L3MBTL1: variants seen among roughly 807,000 people sequenced by gnomAD.
The protein encoded by L3MBTL1 is lethal(3)malignant brain tumor-like protein 1.
L3MBTL1 carries 75 observed loss-of-function variants against 105.3 expected under a neutral mutation model. That is an observed-to-expected ratio of 0.71 (90% CI 0.59 to 0.86). The LOEUF (loss-of-function observed/expected upper bound fraction) is 0.86. L3MBTL1 is among the 40% of genes least tolerant of loss of function. The probability of loss-of-function intolerance (pLI) is 0.00; values close to 1 mark genes in which losing one functional copy is unlikely to be tolerated. For missense variants in L3MBTL1, 1,069 were observed against 1,126.4 expected (o/e 0.95, Z 0.73); for synonymous variants, 452 against 436.2 (o/e 1.04, Z -0.45).
downstream of L3MBTL1, among the ~76,000 whole-genome samples, chr20:43,544,847 G>T (rs770877592): frequency 2.0e-5 from 3 of 151,984 alleles, no homozygotes; most frequent in Admixed American, 6.6e-5. Flanking sequence ...CATGCCTGTA[G>T]TCCAGCTACT....
At chr20:43,523,809 C>T (rs1216228862) in intron 7 of L3MBTL1, among the ~76,000 whole-genome samples, 3 of 152,054 alleles carry the variant, frequency 2.0e-5, no homozygotes, top group South Asian at 2.1e-4. Context: ...GCCTGGCCAA[C>T]GTGGTGAAAC....
At chr20:43,536,591 A>C in intron 19 of L3MBTL1, 133 bp downstream of exon 19, 1 of 1,034,728 alleles carries the variant, frequency 9.7e-7, no homozygotes, top group Admixed American at 1.9e-5. Flanking sequence ...TTCGTTTGAG[A>C]TACTGAGAGC....
intron 3 of L3MBTL1, chr20:43,514,381 A>C (rs1166707515): frequency 7.2e-6 from 10 of 1,394,088 alleles, no homozygotes; most frequent in Non-Finnish European, 9.4e-6. Flanking sequence ...GTACCGTGGG[A>C]CTGGGCCTGT....
Position 43,515,135 on chromosome 20 carries a change from G to A in L3MBTL1, c.629G>A (p.Gly210Asp). The change falls in exon 5 of 22, where the codon GGC becomes GAC. Residue 210 changes from glycine (G) to aspartate (D), a missense_variant. By Grantham distance (94) the Gly-to-Asp change is moderately conservative (BLOSUM62 -1). Transcript: ENST00000418998. The stretch of plus-strand genomic sequence containing the variant: ...CCAGATCTTGGTTCCTCTAATGATG[G>A]CTGCCCTCAGCTGTTCCAGGAGCGG... ...AGPDLGSSND[G>D]CPQLFQERSV... The A allele has an allele frequency of 6.2e-7, 1 of 1,614,160 alleles. No individual in the cohort carries two copies. Among genetic ancestry groups the A allele is most frequent in the East Asian group, 2.2e-5 (1 of 44,884 alleles).
chr20:43,530,328 G>A lies in L3MBTL1; in HGVS notation c.1101G>A (p.Glu367=). Residue 367 remains glutamate (E), a synonymous_variant, in exon 10 of 22, where the codon GAG becomes GAA. Transcript: ENST00000418998. ...GCCTGCACTTTGATGGGTATTCTGA[G>A]TGCCATGACTTCTGGGTCAATGCCA... ...RLRLHFDGYS[E]CHDFWVNANS... is the part of the protein sequence containing the mutation. 1 of 1,614,136 alleles carries A rather than the reference G, an allele frequency of 6.2e-7. No individual in the cohort carries two copies. Among genetic ancestry groups the A allele is most frequent in the Non-Finnish European group, 8.5e-7 (1 of 1,180,036 alleles).
intron 4 of L3MBTL1, 70 bp from the exon 5 acceptor site, chr20:43,514,939 G>A: frequency 6.4e-7 from 1 of 1,562,730 alleles, no homozygotes; most frequent in Non-Finnish European, 8.7e-7. Flanking sequence ...CAGGGCCTGA[G>A]GGGGCGTGGG....
At chr20:43,520,083 C>T (rs2018629341) in intron 7 of L3MBTL1, among the ~76,000 whole-genome samples, 2 of 152,046 alleles carry the variant, frequency 1.3e-5, no homozygotes, top group South Asian at 4.1e-4. Flanking sequence ...AGCCATCATT[C>T]CCCCTAAAGA....
downstream of L3MBTL1, among the ~76,000 whole-genome samples, chr20:43,542,325 T>C (rs2019949167): frequency 1.3e-5 from 2 of 152,164 alleles, no homozygotes; most frequent in African/African-American, 4.8e-5. Flanking sequence ...CCCAAACTCC[T>C]CCCACTTCCA....
At chr20:43,524,711 T>C (rs1274609853) in intron 7 of L3MBTL1, among the ~76,000 whole-genome samples, 1 of 151,906 alleles carries the variant, frequency 6.6e-6, no homozygotes, top group African/African-American at 2.4e-5. Flanking sequence ...TATGGCTACG[T>C]CTTGAAGGAT....
chr20:43,527,462 G>A (rs148879452), intron 7 of L3MBTL1, among the ~76,000 whole-genome samples: 9 of 152,318 alleles, frequency 5.9e-5, no homozygotes, highest in Non-Finnish European at 1.3e-4. Context: ...TGAAGGTGCT[G>A]CAGGAGTATT....
At chr20:43,511,324 A>G (rs954522516) in intron 1 of L3MBTL1, among the ~76,000 whole-genome samples, 5 of 152,254 alleles carry the variant, frequency 3.3e-5, no homozygotes, top group African/African-American at 9.6e-5. Flanking sequence ...ACAGCAATGA[A>G]TAAGACAGAC....
At chr20:43,537,641 C>G (rs988109552) in intron 19 of L3MBTL1, among the ~76,000 whole-genome samples, 1 of 152,148 alleles carries the variant, frequency 6.6e-6, no homozygotes, top group African/African-American at 2.4e-5. Flanking sequence ...TGAGCCCTCC[C>G]CTAGGTGGTG....
intron 7 of L3MBTL1, among the ~76,000 whole-genome samples, chr20:43,526,510 A>G (rs2019041508): frequency 6.6e-6 from 1 of 152,218 alleles, no homozygotes; most frequent in African/African-American, 2.4e-5. Context: ...TAGCCGGAAG[A>G]GATGAGCTCT....
intron 16 of L3MBTL1, 36 bp downstream of exon 16, chr20:43,534,978 C>A (rs1011221124): frequency 8.4e-6 from 12 of 1,428,904 alleles, no homozygotes; most frequent in Middle Eastern, 1.8e-4. Flanking sequence ...CTTTTCCTTT[C>A]CCCCCAGGTT....
intron 20 of L3MBTL1, among the ~76,000 whole-genome samples, chr20:43,540,522 T>A (rs976271666): frequency 6.6e-6 from 1 of 152,136 alleles, no homozygotes; most frequent in African/African-American, 2.4e-5. Flanking sequence ...GCGGGGGCTG[T>A]GCTGCTGTTT....
intron 7 of L3MBTL1, 28 bp downstream of exon 7, chr20:43,516,205 C>A: frequency 2.6e-6 from 4 of 1,557,774 alleles, no homozygotes; most frequent in African/African-American, 1.4e-5. Context: ...TATATATATT[C>A]GTGTGAGGTG....
intron 3 of L3MBTL1, 100 bp from the exon 4 acceptor site, chr20:43,514,535 G>C: frequency 6.3e-7 from 1 of 1,577,534 alleles, no homozygotes; most frequent in South Asian, 1.2e-5. Context: ...TGCTGAGGGC[G>C]TGAGCTGGCA....
At chr20:43,546,569 G>A (rs191239234), downstream of L3MBTL1, among the ~76,000 whole-genome samples, 3 of 152,208 alleles carry the variant, frequency 2.0e-5, no homozygotes, top group Admixed American at 2.0e-4. Context: ...TGTTTTCATT[G>A]CTATGATGCT....
Position 43,540,287 on chromosome 20 carries a change from C to T in L3MBTL1, c.2310C>T (p.Val770=), listed in dbSNP as rs776666405. The change falls in exon 20 of 22, where the codon GTC becomes GTT. Residue 770 remains valine (V), a synonymous_variant. Transcript: ENST00000418998. ...TAGCGGGCATCTCAGCCTCGACAGT[C>T]GCCAAGTGGACCATCGATGAGGTGA... The part of the protein sequence containing the change: ...PGVAGISAST[V]AKWTIDEVFG... 3.7e-6 allele frequency: 6 copies of T among 1,613,710 alleles called. No homozygotes were observed. Among genetic ancestry groups the T allele is most frequent in the Admixed American group, 1.7e-5 (1 of 60,024 alleles).
Sources: allele counts gnomAD v4.1 joint callset (sites outside exome capture counted in the v4.1 genomes callset), GRCh38; gene constraint gnomAD v4.1.1; transcripts MANE v1.5; gene names NCBI Gene and HGNC (gene_info 2026-07-23, HGNC 2026-07-21).